The following TSGA10 variants were observed in gnomAD, a reference collection of about 807,000 sequenced individuals.
The protein encoded by TSGA10 is testis specific 10, also known as testis-specific gene 10 protein.
TSGA10 carries 43 observed loss-of-function variants against 96.6 expected under a neutral mutation model. The ratio of observed to expected loss-of-function variants is 0.44; its 90% CI spans 0.35 to 0.57. TSGA10 has a LOEUF of 0.57. TSGA10 is among the 20% of genes least tolerant of loss of function. TSGA10 has a pLI of 0.01. For missense variants in TSGA10, 703 were observed against 834.4 expected (o/e 0.84, Z 1.94); for synonymous variants, 229 against 269.9 (o/e 0.85, Z 1.48).
chr2:99,102,613 C>G, intron 10 of TSGA10: 1 of 1,614,120 alleles, frequency 6.2e-7, no homozygotes, highest in South Asian at 1.1e-5. Context: ...CAGTTTATTA[C>G]AACTACTTTT....
At chr2:99,147,184 A>G (rs1007316305) in intron 1 of TSGA10, 12 of 362,054 alleles carry the variant, frequency 3.3e-5, no homozygotes, top group Admixed American at 1.3e-4. Context: ...TTTTTCTGAT[A>G]GGGATGAGGT....
At chr2:99,002,604 CATA>C (rs2078038131) in intron 20 of TSGA10, among the ~76,000 whole-genome samples, 1 of 152,166 alleles carries the variant, frequency 6.6e-6, no homozygotes, top group Non-Finnish European at 1.5e-5. Flanking sequence ...CAGCTAACAA[CATA>C]ATGACAGGAT....
chr2:99,137,533 G>C (rs1222336025), intron 1 of TSGA10, among the ~76,000 whole-genome samples: 1 of 151,836 alleles, frequency 6.6e-6, no homozygotes, highest in Non-Finnish European at 1.5e-5. Flanking sequence ...GTGTATTTTT[G>C]AGCCAGGATC....
intron 12 of TSGA10, among the ~76,000 whole-genome samples, 174 bp from the exon 13 acceptor site, chr2:99,073,247 G>T (rs1266362626): frequency 1.3e-5 from 2 of 152,034 alleles, no homozygotes; most frequent in Non-Finnish European, 2.9e-5. Flanking sequence ...GTGAATATTT[G>T]CACTGGGTAA....
chr2:99,019,210 C>A (rs1031816861), intron 18 of TSGA10, among the ~76,000 whole-genome samples: 22 of 152,148 alleles, frequency 1.4e-4, no homozygotes, highest in Non-Finnish European at 4.4e-5. Flanking sequence ...AACATTCTAT[C>A]CTCTTCACTT....
chr2:99,101,145 A>G (rs4402818), intron 10 of TSGA10, among the ~76,000 whole-genome samples: 92,413 of 148,488 alleles, frequency 0.62, 29,113 homozygotes, highest in East Asian at 0.89. Context: ...GGCACCTGCT[A>G]AGGCAGGAGA....
chr2:99,105,060 A>T (rs777178370), intron 9 of TSGA10, among the ~76,000 whole-genome samples: 26 of 152,162 alleles, frequency 1.7e-4, no homozygotes, highest in Non-Finnish European at 3.1e-4. Context: ...TGGCAATATT[A>T]TCTTTAACAA....
intron 1 of TSGA10, among the ~76,000 whole-genome samples, chr2:99,139,771 G>T (rs1384630450): frequency 2.6e-5 from 4 of 152,148 alleles, no homozygotes; most frequent in Non-Finnish European, 5.9e-5. Flanking sequence ...AATTCCATTC[G>T]AAGTTCAAAA....
chr2:99,101,979 C>T, intron 10 of TSGA10: 4 of 935,956 alleles, frequency 4.3e-6, no homozygotes, highest in Non-Finnish European at 6.9e-6. Context: ...ACTGTTCTTA[C>T]ATTTAACAAT....
chr2:99,088,684 T>C (rs1382749797), intron 10 of TSGA10, among the ~76,000 whole-genome samples: 1 of 152,190 alleles, frequency 6.6e-6, no homozygotes, highest in African/African-American at 2.4e-5. Flanking sequence ...ATTCCACTCT[T>C]ATTTATTCAA....
intron 1 of TSGA10, among the ~76,000 whole-genome samples, chr2:99,129,404 A>C (rs980444637): frequency 6.6e-6 from 1 of 152,212 alleles, no homozygotes; most frequent in Admixed American, 6.5e-5. Flanking sequence ...AGCATACAAA[A>C]TTAAACTTTC....
chr2:99,015,568 A>G (rs2079439396), intron 20 of TSGA10, among the ~76,000 whole-genome samples: 1 of 152,150 alleles, frequency 6.6e-6, no homozygotes. Flanking sequence ...AGTTGAAAGC[A>G]TTCCCCCTGA....
At chr2:99,109,680 T>G (rs963242464) in intron 5 of TSGA10, 168 bp from the exon 6 acceptor site, 1 of 376,798 alleles carries the variant, frequency 2.7e-6, no homozygotes, top group African/African-American at 2.1e-5. Context: ...AAATACAACA[T>G]TTAAAAAATT....
At chr2:99,148,479 T>C (rs945871773) in intron 1 of TSGA10, 1 of 152,182 alleles carries the variant, frequency 6.6e-6, no homozygotes, top group African/African-American at 2.4e-5. Context: ...TTTGAGTAAG[T>C]ACTATATTTA....
intron 20 of TSGA10, among the ~76,000 whole-genome samples, chr2:99,008,702 A>G (rs1245767078): frequency 6.6e-6 from 1 of 152,248 alleles, no homozygotes; most frequent in Non-Finnish European, 1.5e-5. Flanking sequence ...CTGCAACATG[A>G]GAATACATAT....
At chr2:99,043,902 A>C (rs2082461398) in intron 16 of TSGA10, among the ~76,000 whole-genome samples, 2 of 152,194 alleles carry the variant, frequency 1.3e-5, no homozygotes, top group Admixed American at 1.3e-4. Flanking sequence ...AAGAATTCTC[A>C]ACCCAGAATT....
chr2:99,052,810 T>C (rs912123128), intron 16 of TSGA10, among the ~76,000 whole-genome samples: 1 of 151,872 alleles, frequency 6.6e-6, no homozygotes, highest in Non-Finnish European at 1.5e-5. Context: ...GGCTCATGCC[T>C]ATAACCCCAG....
At chr2:99,103,253 G>A (rs1051984190) in intron 10 of TSGA10, among the ~76,000 whole-genome samples, 2 of 151,888 alleles carry the variant, frequency 1.3e-5, no homozygotes, top group African/African-American at 4.8e-5. Context: ...GTGGTTTGCC[G>A]CACAGATCAA....
At position 99,083,329 on chromosome 2, in the gene TSGA10, G is replaced by T. The variant is rs373028543; in HGVS notation, c.612-1932C>A. ...TCGTGATAAGTAAGTACAATTCACA[G>T]AGCAACCACTGAAAAATCTATAGAC... is the stretch of plus-strand genomic sequence containing the variant. On this transcript the variant is annotated intron_variant, in intron 10 of 20. Transcript: ENST00000393483. Among the ~76,000 whole-genome samples the T allele has an allele frequency of 2.6e-5, 4 of 152,214 alleles. No homozygotes were observed. In the East Asian group the frequency reaches 5.8e-4, roughly 22 times the overall value.
Sources: allele counts gnomAD v4.1 joint callset (sites outside exome capture counted in the v4.1 genomes callset), GRCh38; gene constraint gnomAD v4.1.1; transcripts MANE v1.5; gene names NCBI Gene and HGNC (gene_info 2026-07-23, HGNC 2026-07-21).